The following GRID2 variants were observed in gnomAD, a reference collection of about 807,000 sequenced individuals.
The protein encoded by GRID2 is glutamate receptor ionotropic, delta-2.
Under a neutral mutation model 114.8 loss-of-function variants are expected in GRID2, and 33 were observed. That is an observed-to-expected ratio of 0.29 (90% CI 0.22 to 0.38). The LOEUF (loss-of-function observed/expected upper bound fraction) is 0.38, where lower values mean the gene tolerates loss of function less well. Among genes scored for constraint, GRID2 ranks in the 10% least tolerant of loss-of-function variants. The pLI, the probability that GRID2 is intolerant of heterozygous loss-of-function variation, is 1.00. For synonymous variants in GRID2, 505 were observed against 449.9 expected (o/e 1.12, Z -1.55); for missense variants, 1,184 against 1,257.7 (o/e 0.94, Z 0.89).
intron 2 of GRID2, among the ~76,000 whole-genome samples, chr4:92,913,012 C>A (rs947151966): frequency 4.0e-5 from 6 of 151,488 alleles, no homozygotes; most frequent in African/African-American, 1.5e-4. Context: ...GAGTATTGAT[C>A]CTAATTTTGA....
chr4:93,731,031 T>C (rs1730440995), intron 14 of GRID2, among the ~76,000 whole-genome samples: 1 of 152,210 alleles, frequency 6.6e-6, no homozygotes, highest in Non-Finnish European at 1.5e-5. Context: ...CTGACTATAG[T>C]TGGCCCTGAA....
chr4:93,028,662 A>G (rs1456274732), intron 2 of GRID2, among the ~76,000 whole-genome samples: 1 of 151,956 alleles, frequency 6.6e-6, no homozygotes, highest in Non-Finnish European at 1.5e-5. Context: ...TGATCAAACC[A>G]CAGTAATTAG....
At chr4:92,618,176 A>G (rs996100832) in intron 2 of GRID2, among the ~76,000 whole-genome samples, 4 of 151,554 alleles carry the variant, frequency 2.6e-5, no homozygotes, top group African/African-American at 7.3e-5. Context: ...GATCTATTTT[A>G]TTTCTGCATA....
intron 13 of GRID2, among the ~76,000 whole-genome samples, chr4:93,542,657 G>C (rs557219556): frequency 1.3e-5 from 2 of 152,090 alleles, no homozygotes; most frequent in Admixed American, 1.3e-4. Flanking sequence ...AAAGTGTGAG[G>C]AGGGCTGGAA....
intron 1 of GRID2, among the ~76,000 whole-genome samples, chr4:92,340,655 CAG>C (rs1461004446): frequency 1.3e-5 from 2 of 152,202 alleles, no homozygotes; most frequent in Non-Finnish European, 2.9e-5. Context: ...CTTCTCCAAA[CAG>C]AAGGATGATC....
intron 1 of GRID2, among the ~76,000 whole-genome samples, chr4:92,474,248 T>C (rs1267150600): frequency 6.6e-6 from 1 of 152,048 alleles, no homozygotes; most frequent in Non-Finnish European, 1.5e-5. Flanking sequence ...AGATTGCGCG[T>C]ATAAGTGATG....
intron 1 of GRID2, among the ~76,000 whole-genome samples, chr4:92,450,509 C>T (rs1171221717): frequency 6.6e-6 from 1 of 152,100 alleles, no homozygotes; most frequent in African/African-American, 2.4e-5. Context: ...ATTTACAGTG[C>T]TCATTGAGTT....
intron 8 of GRID2, among the ~76,000 whole-genome samples, chr4:93,327,099 C>T (rs985460329): frequency 1.3e-5 from 2 of 152,054 alleles, no homozygotes; most frequent in African/African-American, 4.8e-5. Flanking sequence ...GGCCTCTTCT[C>T]TTATGTATTT....
chr4:93,102,416 C>T (rs564281182), intron 3 of GRID2, among the ~76,000 whole-genome samples: 2 of 152,218 alleles, frequency 1.3e-5, no homozygotes, highest in Admixed American at 6.5e-5. Flanking sequence ...GATATGTACA[C>T]ATTTGTTACC....
chr4:93,225,026 G>C, intron 7 of GRID2, among the ~76,000 whole-genome samples: 1 of 152,024 alleles, frequency 6.6e-6, no homozygotes, highest in South Asian at 2.1e-4. Flanking sequence ...ACTTGACTAT[G>C]TCATTAGCAT....
intron 2 of GRID2, among the ~76,000 whole-genome samples, chr4:92,767,934 T>G (rs1210687841): frequency 2.0e-5 from 3 of 151,852 alleles, no homozygotes; most frequent in Non-Finnish European, 4.4e-5. Context: ...AAAAAAAAAT[T>G]TAATAGTGCC....
At chr4:92,565,107 C>T (rs1427433879) in intron 1 of GRID2, among the ~76,000 whole-genome samples, 3 of 151,982 alleles carry the variant, frequency 2.0e-5, no homozygotes, top group Admixed American at 6.6e-5. Context: ...CTAATTACTT[C>T]TGGGTACCCA....
At chr4:93,039,750 T>C (rs938644781) in intron 2 of GRID2, among the ~76,000 whole-genome samples, 1 of 152,180 alleles carries the variant, frequency 6.6e-6, no homozygotes, top group Non-Finnish European at 1.5e-5. Flanking sequence ...CGGCTCATAC[T>C]AACCTTGGTC....
intron 8 of GRID2, among the ~76,000 whole-genome samples, chr4:93,338,802 T>C (rs1759345220): frequency 6.6e-6 from 1 of 152,166 alleles, no homozygotes; most frequent in Non-Finnish European, 1.5e-5. Context: ...TTATTTTTTC[T>C]CTCCCTGTAG....
At chr4:93,339,236 C>T (rs1759393740) in intron 8 of GRID2, among the ~76,000 whole-genome samples, 1 of 152,184 alleles carries the variant, frequency 6.6e-6, no homozygotes, top group Non-Finnish European at 1.5e-5. Flanking sequence ...GTCCTAACAA[C>T]TGGTATTTCA....
intron 2 of GRID2, among the ~76,000 whole-genome samples, chr4:92,757,885 T>C (rs936204804): frequency 6.6e-6 from 1 of 151,676 alleles, no homozygotes; most frequent in Non-Finnish European, 1.5e-5. Context: ...TTTAGTAAGA[T>C]ACACGTCAGT....
chr4:92,933,839 A>G (rs998419882), intron 2 of GRID2, among the ~76,000 whole-genome samples: 5 of 151,134 alleles, frequency 3.3e-5, no homozygotes, highest in Admixed American at 2.0e-4. Context: ...AAAGCCCCCT[A>G]TTTTCTCGGA....
intron 1 of GRID2, among the ~76,000 whole-genome samples, chr4:92,568,732 C>G (rs578253236): frequency 1.3e-5 from 2 of 152,088 alleles, no homozygotes; most frequent in East Asian, 3.9e-4. Flanking sequence ...CCCACCTTCA[C>G]CCTCCAGTAG....
chr4:92,823,341 T>C (rs1376403355), intron 2 of GRID2, among the ~76,000 whole-genome samples: 1 of 152,180 alleles, frequency 6.6e-6, no homozygotes, highest in African/African-American at 2.4e-5. Context: ...AGCTTATCTC[T>C]TATTTGCTGC....
Sources: gnomAD v4.1 joint callset for allele counts (sites outside exome capture counted in the v4.1 genomes callset) on GRCh38, gnomAD v4.1.1 for gene constraint, MANE v1.5 for transcripts, NCBI Gene and HGNC (gene_info 2026-07-23, HGNC 2026-07-21) for gene names.